The following LDB2 variants were observed in gnomAD, a reference collection of about 807,000 sequenced individuals.
The protein encoded by LDB2 is LIM domain binding 2, also known as LIM domain-binding protein 2.
Under a neutral mutation model 44.3 loss-of-function variants are expected in LDB2, and 12 were observed. The observed-to-expected ratio is 0.27, with a 90% CI of 0.17 to 0.44. The LOEUF is 0.44. Ranked by LOEUF, LDB2 falls within the 20% of genes least tolerant of loss-of-function variation. The probability of loss-of-function intolerance (pLI) is 1.00; values close to 1 mark genes in which losing one functional copy is unlikely to be tolerated. For synonymous variants in LDB2, 164 were observed against 174.8 expected, an observed-to-expected ratio of 0.94 and a Z score of 0.49; for missense variants, 344 against 473.5, an observed-to-expected ratio of 0.73 and a Z score of 2.54.
intron 5 of LDB2, among the ~76,000 whole-genome samples, chr4:16,548,454 C>T (rs1736529817): frequency 1.3e-5 from 2 of 152,338 alleles, no homozygotes; most frequent in South Asian, 2.1e-4. Context: ...CTTCCAGACA[C>T]TCTCCACTGC....
Position 16,860,688 on chromosome 4 carries a change from G to A in LDB2, c.132+37666C>T, listed in dbSNP as rs1164836385. ...ATTTCTTGACAAAGCATTCTAAGATGATCTCATTCAATGAACACTTGCTTC... is the reference window on the plus strand; with the variant it reads ...ATTTCTTGACAAAGCATTCTAAGATAATCTCATTCAATGAACACTTGCTTC... On this transcript the variant is annotated intron_variant, in intron 1 of 7. Transcript: ENST00000304523. Among the ~76,000 whole-genome samples the A allele has an allele frequency of 4.6e-5, 7 of 152,184 alleles. No individual in the cohort carries two copies. In the East Asian group the frequency reaches 9.6e-4, roughly 21 times the overall value.
At chr4:16,624,421 T>C (rs1375979483) in intron 2 of LDB2, among the ~76,000 whole-genome samples, 1 of 151,984 alleles carries the variant, frequency 6.6e-6, no homozygotes, top group Non-Finnish European at 1.5e-5. Flanking sequence ...TTAAAATAAA[T>C]AAATAAACAA....
chr4:16,897,939 CACATATGTATATATATATATAT>C (rs1725727511), intron 1 of LDB2, among the ~76,000 whole-genome samples: 1 of 10,462 alleles, frequency 9.6e-5, no homozygotes, highest in African/African-American at 6.5e-4. Flanking sequence ...TATATATATA[CACATATGTATATATATATATAT>C]ATATATATAT....
chr4:16,739,608 A>ATG (rs199994605), intron 2 of LDB2, among the ~76,000 whole-genome samples: 45 of 86,112 alleles, frequency 5.2e-4, no homozygotes, highest in East Asian at 1.2e-3. Flanking sequence ...ATATATATAT[A>ATG]TGTATATATA....
At chr4:16,717,666 T>C (rs191045876) in intron 2 of LDB2, among the ~76,000 whole-genome samples, 1 of 152,316 alleles carries the variant, frequency 6.6e-6, no homozygotes, top group East Asian at 1.9e-4. Flanking sequence ...GATAACTTTA[T>C]ATGCAATTAT....
intron 1 of LDB2, among the ~76,000 whole-genome samples, chr4:16,875,524 A>G (rs1010606192): frequency 3.3e-5 from 5 of 152,240 alleles, no homozygotes; most frequent in Non-Finnish European, 5.9e-5. Context: ...TTAAAAATCA[A>G]CTGCATTTTA....
chr4:16,853,959 A>T (rs1249392031), intron 1 of LDB2, among the ~76,000 whole-genome samples: 1 of 152,174 alleles, frequency 6.6e-6, no homozygotes. Context: ...ATAATAAAAC[A>T]GTAGTTACCA....
At chr4:16,602,489 G>A (rs1285437402) in intron 2 of LDB2, among the ~76,000 whole-genome samples, 1 of 152,194 alleles carries the variant, frequency 6.6e-6, no homozygotes, top group Non-Finnish European at 1.5e-5. Context: ...TGAGGTCACA[G>A]AAAGAGGCAG....
At chr4:16,888,611 G>A in intron 1 of LDB2, 1 of 508,808 alleles carries the variant, frequency 2.0e-6, no homozygotes, top group Non-Finnish European at 2.5e-6. Context: ...TGCTAGTGCA[G>A]GCATGTAAAA....
At chr4:16,695,305 C>T (rs751139817) in intron 2 of LDB2, among the ~76,000 whole-genome samples, 3 of 151,918 alleles carry the variant, frequency 2.0e-5, no homozygotes, top group Admixed American at 1.3e-4. Context: ...GGGCGGTGGG[C>T]GGATCACCTG....
At chr4:16,841,690 T>C (rs1327330842) in intron 1 of LDB2, among the ~76,000 whole-genome samples, 1 of 152,214 alleles carries the variant, frequency 6.6e-6, no homozygotes, top group Admixed American at 6.5e-5. Flanking sequence ...AAATGTTTTG[T>C]AAACTATAAG....
intron 1 of LDB2, among the ~76,000 whole-genome samples, chr4:16,885,171 A>C (rs894585132): frequency 6.6e-6 from 1 of 151,292 alleles, no homozygotes; most frequent in East Asian, 1.9e-4. Context: ...AAAAAAAAAA[A>C]AAAAAACTTT....
At chr4:16,737,399 C>T (rs1006324354) in intron 2 of LDB2, among the ~76,000 whole-genome samples, 1 of 152,070 alleles carries the variant, frequency 6.6e-6, no homozygotes, top group Non-Finnish European at 1.5e-5. Flanking sequence ...TGTCTTAAAA[C>T]AGTAATTTAA....
intron 1 of LDB2, among the ~76,000 whole-genome samples, chr4:16,806,227 T>A (rs1778761760): frequency 6.6e-6 from 1 of 152,214 alleles, no homozygotes; most frequent in Non-Finnish European, 1.5e-5. Context: ...CATTCTACCT[T>A]CTTTGACTCC....
intron 1 of LDB2, among the ~76,000 whole-genome samples, chr4:16,817,734 A>G (rs1469300708): frequency 1.3e-5 from 2 of 152,212 alleles, no homozygotes; most frequent in African/African-American, 4.8e-5. Context: ...AGGTGGGTAT[A>G]ATAATTATCT....
At chr4:16,559,846 C>T (rs1227322729) in intron 5 of LDB2, among the ~76,000 whole-genome samples, 3 of 152,108 alleles carry the variant, frequency 2.0e-5, no homozygotes, top group African/African-American at 4.8e-5. Context: ...TGTAAAAGAA[C>T]AGAAATTATA....
At chr4:16,674,053 G>A (rs1264798283) in intron 2 of LDB2, 16 of 364,926 alleles carry the variant, frequency 4.4e-5, no homozygotes, top group Middle Eastern at 7.3e-4. Flanking sequence ...TCGCCTTAGT[G>A]TTTACCAAGT....
intron 1 of LDB2, among the ~76,000 whole-genome samples, chr4:16,895,272 C>T (rs551869718): frequency 1.5e-4 from 23 of 152,042 alleles, no homozygotes; most frequent in African/African-American, 2.2e-4. Context: ...TCAAACTTCC[C>T]GGCTTCTGAA....
At chr4:16,839,095 G>A (rs556589689) in intron 1 of LDB2, among the ~76,000 whole-genome samples, 1 of 152,264 alleles carries the variant, frequency 6.6e-6, no homozygotes, top group South Asian at 2.1e-4. Flanking sequence ...TTTATTCTTT[G>A]TATTCTAGAC....
Sources: allele counts gnomAD v4.1 joint callset (sites outside exome capture counted in the v4.1 genomes callset), GRCh38; gene constraint gnomAD v4.1.1; transcripts MANE v1.5; gene names NCBI Gene and HGNC (gene_info 2026-07-23, HGNC 2026-07-21).